Variants in ATP7B observed in about 807,000 individuals in gnomAD.
ATP7B encodes ATPase copper transporting beta.
In ATP7B, 113 loss-of-function variants were observed where a neutral mutation model predicts 118.9. The observed-to-expected ratio is 0.95, with a 90% CI of 0.82 to 1.11. The LOEUF is 1.11. Among genes scored for constraint, ATP7B ranks in the 50% most tolerant of loss-of-function variants. ATP7B has a pLI of 0.00. For synonymous variants in ATP7B, 777 were observed against 727.4 expected (o/e 1.07, Z -1.10); for missense variants, 1,867 against 1,871.4 (o/e 1.00, Z 0.04).
chr13:51,984,271 A>G (rs2140279492), intron 1 of ATP7B, among the ~76,000 whole-genome samples: 1 of 152,212 alleles, frequency 6.6e-6, no homozygotes, highest in East Asian at 1.9e-4. Flanking sequence ...TGAAGCATAC[A>G]CAAGTATCAA....
rs373762572 is a variant in ATP7B, at chr13:51,974,778, G to A, written c.442C>T (p.Arg148Trp). The change falls in exon 2 of 21, where the codon CGG (arginine) becomes TGG (tryptophan). Residue 148 changes from arginine (R) to tryptophan (W), a missense_variant. By Grantham distance (101) the Arg-to-Trp change is moderately radical. Transcript: ENST00000242839. The stretch of plus-strand genomic sequence containing the variant: ...GACTGGCAGGTCATGCCCTCCACCC[G>A]GAGCTTGACCACAGCCTCCTGGGCA... The part of the protein sequence containing the change: ...LPAQEAVVKL[R>W]VEGMTCQSCV... 912 of 1,614,044 alleles carry A rather than the reference G, an allele frequency of 5.7e-4. 14 individuals are homozygous for A. In the South Asian group the frequency reaches 9.0e-3, roughly 16 times the overall value.
intron 1 of ATP7B, among the ~76,000 whole-genome samples, chr13:51,997,839 C>T (rs1420109422): frequency 2.0e-5 from 3 of 152,168 alleles, no homozygotes; most frequent in Non-Finnish European, 2.9e-5. Context: ...TTTCCAGTTT[C>T]GCAGATTGAG....
intron 1 of ATP7B, among the ~76,000 whole-genome samples, chr13:52,000,192 G>A (rs1372231385): frequency 1.3e-5 from 2 of 152,188 alleles, no homozygotes; most frequent in Non-Finnish European, 2.9e-5. Context: ...CTTAGACTGG[G>A]TAATTTATAA....
intron 19 of ATP7B, among the ~76,000 whole-genome samples, chr13:51,936,322 C>T (rs931947832): frequency 6.6e-6 from 1 of 152,040 alleles, no homozygotes; most frequent in African/African-American, 2.4e-5. Flanking sequence ...ACACAAGTCA[C>T]CACTAACCAC....
chr13:51,949,861 C>T, intron 11 of ATP7B, 65 bp from the exon 12 acceptor site: 1 of 1,612,244 alleles, frequency 6.2e-7, no homozygotes, highest in Non-Finnish European at 8.5e-7. Flanking sequence ...ACACCACAAG[C>T]ATGGATAAAG....
upstream of ATP7B, among the ~76,000 whole-genome samples, chr13:52,011,809 C>A (rs759231040): frequency 6.6e-5 from 10 of 152,384 alleles, no homozygotes; most frequent in Middle Eastern, 3.4e-3. Context: ...GTACTGGGAT[C>A]TCACGCGTGT....
At position 51,964,901 on chromosome 13, in the gene ATP7B, C is replaced by A. The variant is rs376565432; in HGVS notation, c.1840G>T (p.Gly614Cys). The change falls in exon 5 of 21, where the codon GGT becomes TGT. Residue 614 changes from glycine (G) to cysteine (C), a missense_variant. Gly to Cys is a radical substitution (Grantham distance 159). Transcript: ENST00000242839. ...ALVKFDPEII[G>C]PRDIIKIIEE... Reference sequence around the variant, plus strand: ...ATAATTTTGATAATATCCCGTGGACCGATAATTTCCGGGTCAAACTTAACA... The same window carrying A: ...ATAATTTTGATAATATCCCGTGGACAGATAATTTCCGGGTCAAACTTAACA... 5.6e-5 allele frequency: 90 copies of A among 1,613,860 alleles called. No individual in the cohort carries two copies. The highest frequency in any genetic ancestry group is 7.3e-5 in the Non-Finnish European group (86 of 1,180,030).
At chr13:51,954,835 T>C (rs1958234274) in intron 9 of ATP7B, among the ~76,000 whole-genome samples, 1 of 152,166 alleles carries the variant, frequency 6.6e-6, no homozygotes, top group Admixed American at 6.5e-5. Flanking sequence ...GACGTAGGTT[T>C]GAGAATGAGC....
chr13:52,003,250 A>G (rs1162945539), intron 1 of ATP7B, among the ~76,000 whole-genome samples: 1 of 152,188 alleles, frequency 6.6e-6, no homozygotes, highest in Non-Finnish European at 1.5e-5. Flanking sequence ...ATTTAAAGGG[A>G]GTGGACTCTT....
At chr13:51,964,086 T>C (rs1339607827) in intron 5 of ATP7B, among the ~76,000 whole-genome samples, 1 of 149,842 alleles carries the variant, frequency 6.7e-6, no homozygotes, top group Non-Finnish European at 1.5e-5. Context: ...CCAGGCCACA[T>C]AACAGACAGC....
intron 20 of ATP7B, 124 bp from the exon 21 acceptor site, chr13:51,935,153 TC>T: frequency 1.5e-6 from 2 of 1,371,466 alleles, no homozygotes; most frequent in South Asian, 2.6e-5. Flanking sequence ...CTCAAGAGTT[TC>T]CAAGGAAAAG....
Position 52,011,376 on chromosome 13 carries a change from C to T in ATP7B, c.-39G>A. 1 of 1,614,092 alleles carries T rather than the reference C, an allele frequency of 6.2e-7. No individual in the cohort carries two copies. Among genetic ancestry groups the T allele is most frequent in the Non-Finnish European group, 8.5e-7 (1 of 1,179,918 alleles). ...CACCGAATTCTTCTCTGATCTGGCT[C>T]AGAGCAAAAGGTCACCTGGTCGGTG... On this transcript the variant is annotated 5_prime_UTR_variant, in exon 1 of 21. Transcript: ENST00000242839.
At chr13:51,960,818 A>G (rs1958687275) in intron 6 of ATP7B, among the ~76,000 whole-genome samples, 1 of 152,224 alleles carries the variant, frequency 6.6e-6, no homozygotes, top group Admixed American at 6.5e-5. Flanking sequence ...GGCTGTCTCA[A>G]TGAACACCAT....
intron 2 of ATP7B, among the ~76,000 whole-genome samples, chr13:51,971,951 G>C (rs1951862184): frequency 6.6e-6 from 1 of 152,244 alleles, no homozygotes; most frequent in Admixed American, 6.5e-5. Flanking sequence ...TGGGCCCGCT[G>C]CTCCCTACAG....
rs1158398635 is a variant in ATP7B, at chr13:51,974,623, G to A, written c.597C>T (p.Asp199=). 5 of 1,612,708 alleles carry A rather than the reference G, an allele frequency of 3.1e-6. No homozygotes were observed. The African/African-American group carries it at 4.0e-5, about 13-fold the overall frequency. ...CTTCAAATCCCATGTCATTTACATG[G>A]TCCCTGAGGTCTTCGGGCTGAATGA... The part of the protein sequence containing the change: ...PYLIQPEDLR[D]HVNDMGFEAA... Residue 199 remains aspartate (D), a synonymous_variant, in exon 2 of 21, where the codon GAC becomes GAT. Coordinates refer to ENST00000242839, the MANE Select transcript of ATP7B (RefSeq NM_000053.4).
chr13:51,965,331 C>A (rs1235174136), intron 4 of ATP7B, among the ~76,000 whole-genome samples: 1 of 152,176 alleles, frequency 6.6e-6, no homozygotes, highest in Admixed American at 6.5e-5. Flanking sequence ...CTTTTATAAG[C>A]CCCTCTCCAC....
intron 5 of ATP7B, 139 bp from the exon 6 acceptor site, chr13:51,962,052 C>G (rs1157789929): frequency 2.9e-6 from 2 of 684,500 alleles, no homozygotes; most frequent in African/African-American, 3.6e-5. Flanking sequence ...GGGTTTTCTG[C>G]TTACAACTTC....
At chr13:51,960,448 G>A (rs1958659549) in intron 6 of ATP7B, 126 bp from the exon 7 acceptor site, 2 of 1,194,382 alleles carry the variant, frequency 1.7e-6, no homozygotes. Context: ...AGACCACCAG[G>A]GGTTAAAATG....
intron 1 of ATP7B, among the ~76,000 whole-genome samples, chr13:51,994,735 T>C (rs1566653089): frequency 1.3e-5 from 2 of 152,254 alleles, no homozygotes; most frequent in African/African-American, 2.4e-5. Context: ...AAAGTACTTA[T>C]GAAACCTTCC....
Sources: allele counts gnomAD v4.1 joint callset (sites outside exome capture counted in the v4.1 genomes callset), GRCh38; gene constraint gnomAD v4.1.1; transcripts MANE v1.5; gene names NCBI Gene and HGNC (gene_info 2026-07-23, HGNC 2026-07-21).